EYA4: variants seen among roughly 807,000 people sequenced by gnomAD.
EYA4 encodes the protein EYA transcriptional coactivator and phosphatase 4, also known as protein phosphatase EYA4.
Under a neutral mutation model 87.9 loss-of-function variants are expected in EYA4, and 31 were observed. The ratio of observed to expected loss-of-function variants is 0.35; its 90% CI spans 0.27 to 0.48. The LOEUF (loss-of-function observed/expected upper bound fraction) is 0.48, where lower values mean the gene tolerates loss of function less well. Among genes scored for constraint, EYA4 ranks in the 20% least tolerant of loss-of-function variants. The pLI is 0.99. For synonymous variants in EYA4, 263 were observed against 270.6 expected (o/e 0.97, Z 0.28); for missense variants, 678 against 761.4 (o/e 0.89, Z 1.29).
chr6:133,449,411 G>A (rs1215843758), intron 5 of EYA4, among the ~76,000 whole-genome samples: 1 of 152,162 alleles, frequency 6.6e-6, no homozygotes, highest in African/African-American at 2.4e-5. Flanking sequence ...TTCTCAAATA[G>A]TGTTTAACAC....
At chr6:133,394,645 A>G (rs1385492278) in intron 3 of EYA4, among the ~76,000 whole-genome samples, 1 of 152,148 alleles carries the variant, frequency 6.6e-6, no homozygotes, top group African/African-American at 2.4e-5. Flanking sequence ...GTTTTGTCTT[A>G]CTGAATGCAC....
intron 2 of EYA4, among the ~76,000 whole-genome samples, chr6:133,313,713 C>G (rs1780408869): frequency 6.6e-6 from 1 of 152,128 alleles, no homozygotes. Flanking sequence ...TTCATTCTTT[C>G]ATTAATAAAT....
chr6:133,361,588 G>A (rs143499226), intron 2 of EYA4, among the ~76,000 whole-genome samples: 5 of 152,278 alleles, frequency 3.3e-5, no homozygotes, highest in African/African-American at 9.6e-5. Flanking sequence ...AACTCAAACC[G>A]TTCGTAGTTG....
chr6:133,376,554 G>T (rs1785699969), intron 2 of EYA4, among the ~76,000 whole-genome samples: 1 of 151,692 alleles, frequency 6.6e-6, no homozygotes, highest in Non-Finnish European at 1.5e-5. Context: ...GAAGATAATT[G>T]GGATAATTGA....
At chr6:133,242,308 A>G (rs1424956726) in intron 1 of EYA4, among the ~76,000 whole-genome samples, 1 of 152,166 alleles carries the variant, frequency 6.6e-6, no homozygotes, top group Non-Finnish European at 1.5e-5. Context: ...ATCTCCAGGC[A>G]CTGATCGGGC....
intron 2 of EYA4, among the ~76,000 whole-genome samples, chr6:133,323,815 T>A (rs1781286045): frequency 6.6e-6 from 1 of 152,120 alleles, no homozygotes; most frequent in South Asian, 2.1e-4. Context: ...TTGTTATAAA[T>A]GCTGAAGAGT....
Position 133,391,222 on chromosome 6 carries a change from G to GTTTTTTTT in EYA4, c.83+8790_83+8797dup, listed in dbSNP as rs531819011. On this transcript the variant is annotated intron_variant, in intron 3 of 19. Coordinates refer to ENST00000355286, the MANE Select transcript of EYA4 (RefSeq NM_004100.5). Reference sequence around the variant, plus strand: ...CTATTATTTTTTGGGTTTTGTTTTTGTTTTTTTTTTTTTTTTGAGATGGAG... The same window carrying GTTTTTTTT: ...CTATTATTTTTTGGGTTTTGTTTTTGTTTTTTTTTTTTTTTTTTTTTTTTGAGATGGAG... 1.4e-4 allele frequency among the ~76,000 whole-genome samples: 13 copies of GTTTTTTTT among 89,818 alleles called. 1 individual carries two copies. Among genetic ancestry groups the GTTTTTTTT allele is most frequent in the Non-Finnish European group, 2.4e-4 (9 of 37,316 alleles). 58.9% of individuals were successfully genotyped at this position (89,818 alleles called of 152,430 possible). A position where few individuals can be genotyped will look rare whatever the true frequency, so the allele number is the denominator to read the frequency against.
intron 9 of EYA4, among the ~76,000 whole-genome samples, chr6:133,464,071 A>G (rs761050991): frequency 3.9e-5 from 6 of 152,130 alleles, no homozygotes; most frequent in Non-Finnish European, 8.8e-5. Flanking sequence ...ACAAGTAATC[A>G]GCTACCTCAA....
intron 13 of EYA4, among the ~76,000 whole-genome samples, chr6:133,497,859 G>A (rs1480239674): frequency 1.3e-5 from 2 of 152,144 alleles, no homozygotes; most frequent in Admixed American, 1.3e-4. Flanking sequence ...AAGTCAGGGG[G>A]AAAAAGTGAA....
intron 1 of EYA4, among the ~76,000 whole-genome samples, chr6:133,269,089 T>C (rs1776470446): frequency 6.6e-6 from 1 of 152,116 alleles, no homozygotes; most frequent in Non-Finnish European, 1.5e-5. Flanking sequence ...TGAGACCCTG[T>C]CTCTACTAAA....
intron 3 of EYA4, among the ~76,000 whole-genome samples, chr6:133,423,581 A>T (rs1790400473): frequency 6.6e-6 from 1 of 152,246 alleles, no homozygotes; most frequent in African/African-American, 2.4e-5. Context: ...GTGCATTTTT[A>T]TAACTTTTAT....
intron 2 of EYA4, among the ~76,000 whole-genome samples, chr6:133,312,361 G>A (rs1042957975): frequency 2.0e-5 from 3 of 150,598 alleles, no homozygotes; most frequent in African/African-American, 7.4e-5. Flanking sequence ...GTACTTGTGT[G>A]TGTGTGAGAG....
chr6:133,518,064 G>C (rs1026835835), intron 17 of EYA4, among the ~76,000 whole-genome samples: 4 of 152,160 alleles, frequency 2.6e-5, no homozygotes, highest in African/African-American at 4.8e-5. Context: ...TGACAAGAGA[G>C]ACCAAATGTC....
chr6:133,419,514 A>G (rs982449852), intron 3 of EYA4, among the ~76,000 whole-genome samples: 1 of 152,216 alleles, frequency 6.6e-6, no homozygotes, highest in Non-Finnish European at 1.5e-5. Flanking sequence ...AAAACTCAGT[A>G]TCCTCCAAAT....
intron 2 of EYA4, among the ~76,000 whole-genome samples, chr6:133,310,564 A>G (rs542029772): frequency 2.6e-5 from 4 of 152,336 alleles, no homozygotes; most frequent in African/African-American, 9.6e-5. Context: ...TGATCGTCAA[A>G]TATTTGGTAA....
At chr6:133,402,106 C>G (rs989464505) in intron 3 of EYA4, among the ~76,000 whole-genome samples, 1 of 151,986 alleles carries the variant, frequency 6.6e-6, no homozygotes, top group Non-Finnish European at 1.5e-5. Flanking sequence ...ATCATTTCAG[C>G]AAAAACCCAT....
At chr6:133,282,178 A>G (rs1777681209) in intron 2 of EYA4, among the ~76,000 whole-genome samples, 3 of 152,236 alleles carry the variant, frequency 2.0e-5, no homozygotes, top group Admixed American at 1.3e-4. Context: ...CCTGCTTCAT[A>G]GTGGCTGAAC....
chr6:133,500,135 C>A (rs1007558779), intron 13 of EYA4, among the ~76,000 whole-genome samples: 1 of 151,620 alleles, frequency 6.6e-6, no homozygotes, highest in Non-Finnish European at 1.5e-5. Context: ...AGTAGCAAGA[C>A]TGTCATCTGC....
chr6:133,361,990 G>A (rs772661653), intron 2 of EYA4, among the ~76,000 whole-genome samples: 9 of 152,186 alleles, frequency 5.9e-5, no homozygotes, highest in Non-Finnish European at 7.3e-5. Flanking sequence ...GACCCTCTTT[G>A]TAACAACAGT....
Sources: gnomAD v4.1 joint callset for allele counts (sites outside exome capture counted in the v4.1 genomes callset) on GRCh38, gnomAD v4.1.1 for gene constraint, MANE v1.5 for transcripts, NCBI Gene and HGNC (gene_info 2026-07-23, HGNC 2026-07-21) for gene names.